Variants in AHNAK observed in about 807,000 individuals in gnomAD.
The protein encoded by AHNAK is AHNAK nucleoprotein.
Under a neutral mutation model 37.8 loss-of-function variants are expected in AHNAK, and 23 were observed. The ratio of observed to expected loss-of-function variants is 0.61; its 90% confidence interval spans 0.44 to 0.86. AHNAK has a LOEUF of 0.86. AHNAK is among the 40% of genes least tolerant of loss of function. AHNAK has a pLI of 0.00. For synonymous variants in AHNAK, 2,481 were observed against 2,636.3 expected (o/e 0.94, Z 1.80); for missense variants, 7,411 against 7,319.4 (o/e 1.01, Z -0.46).
intron 5 of AHNAK, among the ~76,000 whole-genome samples, chr11:62,434,932 C>CAAAA (rs55712038): frequency 1.2e-5 from 1 of 84,360 alleles, no homozygotes; most frequent in Non-Finnish European, 2.2e-5. Flanking sequence ...GACCCTGTCT[C>CAAAA]AAAAAAAAAA....
chr11:62,546,289 G>A (rs927511740), intron 1 of AHNAK, among the ~76,000 whole-genome samples: 1 of 152,234 alleles, frequency 6.6e-6, no homozygotes, highest in Non-Finnish European at 1.5e-5. Flanking sequence ...GGATACGAAC[G>A]GAGCAGCCCC....
intron 2 of AHNAK, 100 bp from the exon 3 acceptor site, chr11:62,536,198 T>C: frequency 1.5e-6 from 2 of 1,339,584 alleles, no homozygotes; most frequent in South Asian, 1.5e-5. Flanking sequence ...CTCCAGGGAG[T>C]GGGGCCCTCA....
chr11:62,455,424 G>A (rs1276043990), intron 5 of AHNAK, among the ~76,000 whole-genome samples: 2 of 151,884 alleles, frequency 1.3e-5, no homozygotes, highest in African/African-American at 4.8e-5. Context: ...TAAGAAATGT[G>A]GCCGGGCGTG....
At chr11:62,480,552 G>C (rs765052290) in intron 5 of AHNAK, among the ~76,000 whole-genome samples, 1 of 151,906 alleles carries the variant, frequency 6.6e-6, no homozygotes, top group Non-Finnish European at 1.5e-5. Flanking sequence ...TCCCAGCTAC[G>C]TGGGAGGTTG....
chr11:62,537,421 TA>T (rs1243004566), intron 1 of AHNAK: 2 of 152,074 alleles, frequency 1.3e-5, no homozygotes, highest in Non-Finnish European at 2.9e-5. Flanking sequence ...CACAACTGGC[TA>T]ATTTTTGTAT....
chr11:62,466,840 A>G (rs950378301), intron 5 of AHNAK, among the ~76,000 whole-genome samples: 1 of 152,230 alleles, frequency 6.6e-6, no homozygotes, highest in East Asian at 1.9e-4. Flanking sequence ...TCATTTAAAC[A>G]TAGGCTACAA....
In AHNAK at chr11:62,533,765, T is replaced by A. The variant is rs766561332; in HGVS notation, c.652A>T (p.Thr218Ser). 4 of 1,614,150 alleles carry A rather than the reference T, an allele frequency of 2.5e-6. No homozygotes were observed. Among genetic ancestry groups the A allele is most frequent in the South Asian group, 2.2e-5 (2 of 91,082 alleles). Residue 218 changes from threonine (T) to serine (S), a missense_variant, in exon 5 of 5, where the codon ACA (threonine) becomes TCA (serine). Physicochemically the swap from Thr to Ser is moderately conservative, Grantham distance 58. Coordinates refer to ENST00000378024, the MANE Select transcript of AHNAK (RefSeq NM_001620.3). ...LPSGSGAASP[T>S]GSAVDIRAGA... The stretch of plus-strand genomic sequence containing the variant: ...GCTCGGATATCCACAGCAGAGCCTG[T>A]CGGAGAGGCTGCCCCCGAGCCCGAG...
chr11:62,517,316 C>G lies in AHNAK; in HGVS notation c.17101G>C (p.Glu5701Gln), dbSNP rs143833748. The G allele has an allele frequency of 1.2e-6, 2 of 1,614,052 alleles. No homozygotes were observed. The highest frequency in any genetic ancestry group is 1.3e-5 in the African/African-American group (1 of 74,924). Residue 5701 changes from glutamate to glutamine, a missense_variant, in exon 5 of 5, where the codon GAA becomes CAA. By Grantham distance (29) the Glu-to-Gln change is conservative (BLOSUM62 2). Transcript: ENST00000378024. Reference protein sequence around the residue: ...IQAGAGDGEWEESEVKLKKSK... With the variant: ...IQAGAGDGEWQESEVKLKKSK... ...TTTTTCAGTTTGACTTCAGACTCTTCCCACTCGCCGTCTCCAGCACCAGCT... is the reference window on the plus strand; with the variant it reads ...TTTTTCAGTTTGACTTCAGACTCTTGCCACTCGCCGTCTCCAGCACCAGCT...
intron 1 of AHNAK, among the ~76,000 whole-genome samples, chr11:62,544,068 C>A (rs1197053132): frequency 1.1e-4 from 17 of 152,106 alleles, no homozygotes; most frequent in Admixed American, 1.1e-3. Context: ...TTTGCCCCAA[C>A]CCCTCAAACC....
At chr11:62,483,181 G>A (rs112225260) in intron 5 of AHNAK, among the ~76,000 whole-genome samples, 1,605 of 152,288 alleles carry the variant, frequency 0.011, 20 homozygotes, top group African/African-American at 0.037. Flanking sequence ...GGGACGCTAC[G>A]TGGCAACAGC....
chr11:62,437,712 A>T (rs1448092396), intron 5 of AHNAK, among the ~76,000 whole-genome samples: 8 of 152,198 alleles, frequency 5.3e-5, no homozygotes, highest in African/African-American at 1.9e-4. Context: ...TACAGCAGGC[A>T]TATCTATAGC....
chr11:62,436,733 G>A (rs1307988097), intron 5 of AHNAK, among the ~76,000 whole-genome samples: 5 of 151,444 alleles, frequency 3.3e-5, no homozygotes, highest in East Asian at 1.9e-4. Context: ...TCAGGAGATC[G>A]AGACCATCCT....
intron 5 of AHNAK, among the ~76,000 whole-genome samples, chr11:62,469,423 C>T (rs539482772): frequency 6.4e-4 from 96 of 150,846 alleles, no homozygotes; most frequent in African/African-American, 2.2e-3. Flanking sequence ...CGTCCAGCCC[C>T]AATTAGGATC....
At chr11:62,433,577 G>T in exon 6 of AHNAK, 1 of 435,792 alleles carries the variant, frequency 2.3e-6, no homozygotes, top group Non-Finnish European at 4.1e-6. Context: ...ATAAACGAGC[G>T]AAGGATAATC....
chr11:62,453,192 G>A (rs551589963), intron 5 of AHNAK, among the ~76,000 whole-genome samples: 3 of 151,988 alleles, frequency 2.0e-5, no homozygotes, highest in Non-Finnish European at 2.9e-5. Flanking sequence ...ATGGCACGTC[G>A]GAAGGAATGT....
At position 62,522,553 on chromosome 11, in the gene AHNAK, T is replaced by A; in HGVS notation, c.11864A>T (p.Asn3955Ile). Residue 3955 changes from asparagine to isoleucine, a missense_variant, in exon 5 of 5, where the codon AAC becomes ATC. By Grantham distance (149) the Asn-to-Ile change is moderately radical. Transcript: ENST00000378024. ...FKGEGPEVDV[N>I]LPKADLDVSG... ...GACGTCAAGGTCAGCCTTGGGCAGG[T>A]TCACATCCACTTCTGGACCTTCTCC... is the stretch of plus-strand genomic sequence containing the variant. 1 of 1,613,232 alleles carries A rather than the reference T, an allele frequency of 6.2e-7. No homozygotes were observed. Among genetic ancestry groups the A allele is most frequent in the Non-Finnish European group, 8.5e-7 (1 of 1,179,886 alleles).
intron 4 of AHNAK, among the ~76,000 whole-genome samples, chr11:62,492,557 C>A (rs1001801811): frequency 6.6e-6 from 1 of 152,114 alleles, no homozygotes; most frequent in Non-Finnish European, 1.5e-5. Flanking sequence ...TTGCCCAAGT[C>A]TAACACCATC....
intron 1 of AHNAK, among the ~76,000 whole-genome samples, chr11:62,542,247 G>C (rs1228031351): frequency 6.6e-6 from 1 of 151,972 alleles, no homozygotes; most frequent in East Asian, 1.9e-4. Context: ...GCTCACAATA[G>C]ACAGTTGTCC....
chr11:62,493,548 G>C (rs968021042), intron 4 of AHNAK, among the ~76,000 whole-genome samples: 2 of 151,954 alleles, frequency 1.3e-5, no homozygotes, highest in African/African-American at 2.4e-5. Flanking sequence ...TGGCCAAGCT[G>C]GTCTCAAACT....
Sources: allele counts gnomAD v4.1 joint callset (sites outside exome capture counted in the v4.1 genomes callset), GRCh38; gene constraint gnomAD v4.1.1; transcripts MANE v1.5; gene names NCBI Gene and HGNC (gene_info 2026-07-23, HGNC 2026-07-21).